PLEKHG4: variants seen among roughly 807,000 people sequenced by gnomAD.
The protein encoded by PLEKHG4 is pleckstrin homology and RhoGEF domain containing G4, also known as puratrophin-1.
PLEKHG4 carries 85 observed loss-of-function variants against 136.9 expected under a neutral mutation model. That is an observed-to-expected ratio of 0.62 (90% CI 0.52 to 0.74). The LOEUF is 0.74. Ranked by LOEUF, PLEKHG4 falls within the 30% of genes least tolerant of loss-of-function variation. PLEKHG4 has a pLI of 0.00. For synonymous variants in PLEKHG4, 577 were observed against 646.9 expected, an observed-to-expected ratio of 0.89 and a Z score of 1.64; for missense variants, 1,317 against 1,527.8, an observed-to-expected ratio of 0.86 and a Z score of 2.30.
intron 5 of PLEKHG4, 68 bp downstream of exon 5, chr16:67,281,252 T>C: frequency 7.9e-7 from 1 of 1,259,178 alleles, no homozygotes; most frequent in Non-Finnish European, 1.2e-6. Context: ...AGACGGAGTC[T>C]TGCCTTTGTC....
In PLEKHG4 at chr16:67,288,515, C is replaced by A. The variant is rs1251409548; in HGVS notation, c.3481C>A (p.Gln1161Lys). ...LTAEDSEISS[Q>K]CPSASGSSGS... ...TGCTGAGGACTCAGAGATCTCGTCC[C>A]AATGCCCATCAGCCAGTGGCTCCAG... The change falls in exon 21 of 22, where the codon CAA becomes AAA. Residue 1161 changes from glutamine (Q) to lysine (K), a missense_variant. Transcript: ENST00000379344. 1 of 1,614,112 alleles carries A rather than the reference C, an allele frequency of 6.2e-7. No individual in the cohort carries two copies. The highest frequency in any genetic ancestry group is 2.2e-5 in the East Asian group (1 of 44,890).
intron 14 of PLEKHG4, 30 bp downstream of exon 14, chr16:67,285,566 T>C (rs139845005): frequency 5.8e-5 from 93 of 1,601,316 alleles, no homozygotes; most frequent in Admixed American, 1.8e-4. Flanking sequence ...TGGTATCAGC[T>C]CGTTCTGCCA....
In PLEKHG4 at chr16:67,281,525, T is replaced by C. The variant is rs539341487; in HGVS notation, c.814-42T>C. On this transcript the variant is annotated intron_variant, in intron 5 of 21. Transcript: ENST00000379344. ...ACAGGCGTGAGCCACCATGCCCTTT[T>C]CTGTAGAGTTGGGGATAGTGCTGAG... 2.3e-5 allele frequency: 36 copies of C among 1,555,990 alleles called. No individual in the cohort carries two copies. The South Asian group carries it at 3.6e-4, about 15-fold the overall frequency.
At position 67,279,988 on chromosome 16, in the gene PLEKHG4, ACT is replaced by A; in HGVS notation, c.-56_-55del. The A allele has an allele frequency of 6.3e-7, 1 of 1,576,368 alleles. No homozygotes were observed. The highest frequency in any genetic ancestry group is 2.3e-5 in the East Asian group (1 of 43,832). ...CTCGACTGTCTTCAGCGCGGTTCAC[ACT>A]GAGACCCAGCCCTCTCCCGCTGGCC... On this transcript the variant is annotated 5_prime_UTR_variant, in exon 2 of 22. Transcript: ENST00000379344.
chr16:67,279,358 C>G (rs2036099996), upstream of PLEKHG4: 2 of 151,918 alleles, frequency 1.3e-5, no homozygotes, highest in South Asian at 3.8e-4. Context: ...AGGACGGCGG[C>G]GGGCGGGGGT....
chr16:67,281,964 A>AC, intron 7 of PLEKHG4, 45 bp from the exon 8 acceptor site: 1 of 1,573,430 alleles, frequency 6.4e-7, no homozygotes, highest in Admixed American at 1.7e-5. Flanking sequence ...GAAGCCCAGG[A>AC]CCAACACTGC....
At chr16:67,283,151 T>A (rs1216477645) in intron 11 of PLEKHG4, among the ~76,000 whole-genome samples, 2 of 151,782 alleles carry the variant, frequency 1.3e-5, no homozygotes, top group Non-Finnish European at 2.9e-5. Context: ...GAAAGATAAG[T>A]TGAGGTCAAC....
At position 67,288,239 on chromosome 16, in the gene PLEKHG4, C is replaced by G; in HGVS notation, c.3293C>G (p.Ser1098Cys). ...HDSLYLGASN[S>C]LPGDPASCSV... ...AGCCTCTACCTGGGGGCCTCGAACT[C>G]CCTTCCTGGAGACCCTGCCTCTTGC... Residue 1098 changes from serine to cysteine, a missense_variant, in exon 20 of 22, where the codon TCC becomes TGC. Coordinates refer to ENST00000379344, the MANE Select transcript of PLEKHG4 (RefSeq NM_001129729.3). 1.2e-6 allele frequency: 2 copies of G among 1,613,964 alleles called. No individual in the cohort carries two copies. Among genetic ancestry groups the G allele is most frequent in the Non-Finnish European group, 1.7e-6 (2 of 1,180,022 alleles).
chr16:67,288,227 G>A lies in PLEKHG4; in HGVS notation c.3281G>A (p.Gly1094Glu), dbSNP rs931214719. 1 of 1,613,994 alleles carries A rather than the reference G, an allele frequency of 6.2e-7. No individual in the cohort carries two copies. The part of the protein sequence containing the change: ...APFDHDSLYL[G>E]ASNSLPGDPA... ...TTTGACCATGACAGCCTCTACCTGGGGGCCTCGAACTCCCTTCCTGGAGAC... is the reference window on the plus strand; with the variant it reads ...TTTGACCATGACAGCCTCTACCTGGAGGCCTCGAACTCCCTTCCTGGAGAC... Residue 1094 changes from glycine to glutamate, a missense_variant, in exon 20 of 22, where the codon GGG becomes GAG. Coordinates refer to ENST00000379344, the MANE Select transcript of PLEKHG4 (RefSeq NM_001129729.3).
intron 9 of PLEKHG4, 53 bp downstream of exon 9, chr16:67,282,402 C>T (rs1194751035): frequency 1.6e-5 from 26 of 1,612,242 alleles, no homozygotes; most frequent in Middle Eastern, 1.6e-4. Context: ...TATTCTATGC[C>T]AGGACTCATC....
At position 67,281,833 on chromosome 16, in the gene PLEKHG4, G is replaced by C. The variant is rs141420337; in HGVS notation, c.1001G>C (p.Arg334Pro). Residue 334 changes from arginine to proline, a missense_variant, in exon 7 of 22, where the codon CGA becomes CCA. Transcript: ENST00000379344. ...PYCHQAWLDF[R>P]RRLEALLQNC... ...TGCCACCAGGCCTGGCTGGATTTCC[G>C]AAGGGTCAGTACACTGGGTGGGGCA... is the stretch of plus-strand genomic sequence containing the variant. The C allele has an allele frequency of 6.2e-7, 1 of 1,612,182 alleles. No individual in the cohort carries two copies. Among genetic ancestry groups the C allele is most frequent in the South Asian group, 1.1e-5 (1 of 91,078 alleles).
At chr16:67,281,433 C>A in intron 5 of PLEKHG4, 134 bp from the exon 6 acceptor site, 1 of 795,978 alleles carries the variant, frequency 1.3e-6, no homozygotes, top group Admixed American at 2.0e-5. Flanking sequence ...CCATGTGTTG[C>A]CCAGGCTGAT....
rs1431610926 is a variant in PLEKHG4 at position 67,286,608 on chromosome 16, A to G, written c.2696A>G (p.His899Arg). 2 of 1,561,656 alleles carry G rather than the reference A, an allele frequency of 1.3e-6. No individual in the cohort carries two copies. Among genetic ancestry groups the G allele is most frequent in the South Asian group, 1.2e-5 (1 of 85,880 alleles). ...SALREAQSLV[H>R]FQLRHGNDLL... is the part of the protein sequence containing the mutation. ...CTGCGGGAGGCCCAGAGCCTTGTGCACTTCCAGCTGCGGCACGGAAACGAC... is the reference window on the plus strand; with the variant it reads ...CTGCGGGAGGCCCAGAGCCTTGTGCGCTTCCAGCTGCGGCACGGAAACGAC... Residue 899 changes from histidine (H) to arginine (R), a missense_variant, in exon 16 of 22, where the codon CAC becomes CGC. Physicochemically the swap from His to Arg is conservative, Grantham distance 29. Coordinates refer to ENST00000379344, the MANE Select transcript of PLEKHG4 (RefSeq NM_001129729.3).
At chr16:67,287,760 G>C (rs1359895624) in intron 18 of PLEKHG4, 138 bp from the exon 19 acceptor site, 1 of 724,458 alleles carries the variant, frequency 1.4e-6, no homozygotes, top group Non-Finnish European at 2.6e-6. Flanking sequence ...AGAGCACCTG[G>C]CACTAGAAAG....
intron 10 of PLEKHG4, 24 bp from the exon 11 acceptor site, chr16:67,282,718 T>C (rs1391545171): frequency 1.9e-6 from 3 of 1,613,264 alleles, no homozygotes; most frequent in Non-Finnish European, 8.5e-7. Context: ...CTCTCTTCAC[T>C]TTTCCCTGCT....
chr16:67,280,325 C>G lies in PLEKHG4; in HGVS notation c.281C>G (p.Ser94Ter). 1 of 1,613,714 alleles carries G rather than the reference C, an allele frequency of 6.2e-7. No homozygotes were observed. Among genetic ancestry groups the G allele is most frequent in the Non-Finnish European group, 8.5e-7 (1 of 1,179,968 alleles). ...RGTVESSSVL[S>*]EGPGPSGVES... is the part of the protein sequence containing the mutation. ...ACAGTAGAAAGCTCCTCAGTCCTGTCAGAAGGGCCAGGCCCCTCTGGAGTG... is the reference window on the plus strand; with the variant it reads ...ACAGTAGAAAGCTCCTCAGTCCTGTGAGAAGGGCCAGGCCCCTCTGGAGTG... The change falls in exon 2 of 22, where the codon TCA (serine) becomes TGA (stop). Residue 94 changes from serine to a stop codon, truncating the protein, a stop_gained. Transcript: ENST00000379344. LOFTEE classifies it high-confidence loss of function. The surrounding 1 kb of genome is among the most constrained non-coding windows in gnomAD (Gnocchi z 4.4).
Position 67,279,612 on chromosome 16 carries a change from G to C in PLEKHG4, c.-184G>C, listed in dbSNP as rs1016028154. 5.8e-5 allele frequency: 9 copies of C among 155,036 alleles called. No homozygotes were observed. The highest frequency in any genetic ancestry group is 1.7e-4 in the African/African-American group (7 of 41,472). The allele number at this position is 155,036 out of a possible 1,614,324, so 9.6% of individuals were successfully genotyped here. A position where few individuals can be genotyped will look rare whatever the true frequency, so the allele number is the denominator to read the frequency against. The stretch of plus-strand genomic sequence containing the variant: ...CTGTCCGACTTCACGGTTCCCCGCG[G>C]CTCGGCCCGGGGGCGTGAGTGTCGC... On this transcript the variant is annotated 5_prime_UTR_variant, in exon 1 of 22. Coordinates refer to ENST00000379344, the MANE Select transcript of PLEKHG4 (RefSeq NM_001129729.3).
intron 10 of PLEKHG4, 27 bp downstream of exon 10, chr16:67,282,668 C>T (rs1216551716): frequency 6.2e-7 from 1 of 1,613,534 alleles, no homozygotes; most frequent in Non-Finnish European, 8.5e-7. Context: ...CAGAGTGGGC[C>T]CTGCCCCGAT....
In PLEKHG4 at chr16:67,280,067, G is replaced by A; in HGVS notation, c.23G>A (p.Gly8Glu). 2 of 1,613,474 alleles carry A rather than the reference G, an allele frequency of 1.2e-6. No homozygotes were observed. The highest frequency in any genetic ancestry group is 2.2e-5 in the South Asian group (2 of 91,074). The change falls in exon 2 of 22, where the codon GGG becomes GAG. Residue 8 changes from glycine (G) to glutamate (E), a missense_variant. By Grantham distance (98) the Gly-to-Glu change is moderately conservative. Coordinates refer to ENST00000379344, the MANE Select transcript of PLEKHG4 (RefSeq NM_001129729.3). The surrounding 1 kb of genome is among the most constrained non-coding windows in gnomAD (Gnocchi z 4.4). The part of the protein sequence containing the change: MERPLEN[G>E]DESPDSQGHA... Reference sequence around the variant, plus strand: ...GTGATGGAAAGGCCCCTGGAGAATGGGGATGAGTCCCCAGACTCTCAGGGC... The same window carrying A: ...GTGATGGAAAGGCCCCTGGAGAATGAGGATGAGTCCCCAGACTCTCAGGGC...
Sources: gnomAD v4.1 joint callset for allele counts (sites outside exome capture counted in the v4.1 genomes callset) on GRCh38, gnomAD v4.1.1 for gene constraint, Gnocchi (gnomAD v3.1) non-coding constraint, MANE v1.5 for transcripts, NCBI Gene and HGNC (gene_info 2026-07-23, HGNC 2026-07-21) for gene names.